The following MYO16 variants were observed in gnomAD, a reference collection of about 807,000 sequenced individuals.
MYO16 encodes the protein unconventional myosin-XVI.
Under a neutral mutation model 205.3 loss-of-function variants are expected in MYO16, and 94 were observed. The observed-to-expected ratio is 0.46, with a 90% CI of 0.39 to 0.54. MYO16 has a LOEUF of 0.54. MYO16 is among the 20% of genes least tolerant of loss of function. The probability of loss-of-function intolerance (pLI) is 0.00; values close to 1 mark genes in which losing one functional copy is unlikely to be tolerated. For synonymous variants in MYO16, 988 were observed against 954.0 expected (o/e 1.04, Z -0.66); for missense variants, 2,315 against 2,387.5 (o/e 0.97, Z 0.63).
chr13:109,100,588 A>G (rs1345532413), intron 27 of MYO16, among the ~76,000 whole-genome samples, 197 bp from the exon 28 acceptor site: 1 of 152,204 alleles, frequency 6.6e-6, no homozygotes, highest in East Asian at 1.9e-4. Flanking sequence ...GCGTTGTAAA[A>G]ACCATTTCCC....
At chr13:109,147,690 G>T (rs565439729) in intron 32 of MYO16, among the ~76,000 whole-genome samples, 4 of 152,076 alleles carry the variant, frequency 2.6e-5, no homozygotes, top group Admixed American at 6.5e-5. Context: ...GGAGTTGGGG[G>T]TGGGAGTGCT....
At chr13:109,054,183 C>T (rs907229376) in intron 25 of MYO16, 2 of 186,174 alleles carry the variant, frequency 1.1e-5, no homozygotes, top group South Asian at 7.7e-5. Context: ...GTTTTGGCCT[C>T]ATTTTCACTG....
At chr13:108,950,350 T>A (rs1883095760) in intron 16 of MYO16, among the ~76,000 whole-genome samples, 1 of 152,090 alleles carries the variant, frequency 6.6e-6, no homozygotes, top group African/African-American at 2.4e-5. Context: ...AAAATAAAAA[T>A]TGTTCTAGTC....
intron 21 of MYO16, among the ~76,000 whole-genome samples, chr13:108,998,480 A>G (rs1203952568): frequency 1.3e-5 from 2 of 152,212 alleles, no homozygotes; most frequent in Admixed American, 6.5e-5. Flanking sequence ...TGGCCAGATA[A>G]TATGTTCCCA....
intron 15 of MYO16, among the ~76,000 whole-genome samples, chr13:108,905,999 T>C (rs899420786): frequency 6.6e-6 from 1 of 152,192 alleles, no homozygotes; most frequent in African/African-American, 2.4e-5. Context: ...GCTCATTTAC[T>C]TTGTGCCCGC....
intron 4 of MYO16, among the ~76,000 whole-genome samples, chr13:108,774,164 A>G (rs1302381795): frequency 1.3e-5 from 2 of 152,254 alleles, no homozygotes; most frequent in African/African-American, 4.8e-5. Flanking sequence ...AACTATAACT[A>G]AATGAAACAA....
intron 27 of MYO16, among the ~76,000 whole-genome samples, chr13:109,089,919 T>C (rs1782931918): frequency 6.6e-6 from 1 of 152,326 alleles, no homozygotes; most frequent in Non-Finnish European, 1.5e-5. Flanking sequence ...TCCCTTACCA[T>C]ACCAGTGCCC....
At chr13:108,644,437 C>A (rs961551942) in intron 1 of MYO16, among the ~76,000 whole-genome samples, 1 of 151,926 alleles carries the variant, frequency 6.6e-6, no homozygotes, top group African/African-American at 2.4e-5. Context: ...ATTACTGCAA[C>A]CCATGAGCTG....
At chr13:108,878,048 T>A (rs1172900200) in intron 12 of MYO16, among the ~76,000 whole-genome samples, 2 of 152,118 alleles carry the variant, frequency 1.3e-5, no homozygotes, top group Non-Finnish European at 2.9e-5. Flanking sequence ...AGATGATTAG[T>A]CCTCTCAGCA....
chr13:109,158,234 T>A lies in MYO16; in HGVS notation c.5165-6667T>A, dbSNP rs540267929. Among the ~76,000 whole-genome samples, 299 of 152,306 alleles carry A rather than the reference T, an allele frequency of 2.0e-3. 2 individuals are homozygous for A. Among genetic ancestry groups the A allele is most frequent in the African/African-American group, 7.1e-3 (293 of 41,556 alleles). ...ACTCTTGGTTTGGAGCAAGGACTCATCTTAACTCCCATTATGCTCCCTGTC... is the reference window on the plus strand; with the variant it reads ...ACTCTTGGTTTGGAGCAAGGACTCAACTTAACTCCCATTATGCTCCCTGTC... On this transcript the variant is annotated intron_variant, in intron 32 of 34. Coordinates refer to ENST00000457511, the MANE Select transcript of MYO16 (RefSeq NM_001198950.3).
At chr13:108,855,930 G>A (rs1168590581) in intron 11 of MYO16, among the ~76,000 whole-genome samples, 3 of 152,190 alleles carry the variant, frequency 2.0e-5, no homozygotes, top group Non-Finnish European at 2.9e-5. Flanking sequence ...AACAGGAAGC[G>A]AAAGAGCATA....
chr13:108,967,697 A>G (rs969950853), intron 20 of MYO16, among the ~76,000 whole-genome samples: 127 of 152,366 alleles, frequency 8.3e-4, no homozygotes, highest in African/African-American at 3.0e-3. Flanking sequence ...ACAGTAATAA[A>G]AAAATAGCAA....
At chr13:108,958,158 A>G (rs958842177) in intron 17 of MYO16, among the ~76,000 whole-genome samples, 1 of 146,586 alleles carries the variant, frequency 6.8e-6, no homozygotes, top group African/African-American at 2.5e-5. Context: ...TTTATAATAT[A>G]TCATTTTAAA....
chr13:108,787,544 G>A (rs890143387), intron 5 of MYO16, among the ~76,000 whole-genome samples: 1 of 152,090 alleles, frequency 6.6e-6, no homozygotes, highest in South Asian at 2.1e-4. Flanking sequence ...TCGTTTGATA[G>A]GAAATTTTAG....
At chr13:108,568,942 C>T in the MYO16 span, among the ~76,000 whole-genome samples, 1 of 151,692 alleles carries the variant, frequency 6.6e-6, no homozygotes, top group East Asian at 1.9e-4. Flanking sequence ...TATTATTTTC[C>T]TAGTTATATT....
At chr13:108,906,543 C>T (rs1252547734) in intron 15 of MYO16, among the ~76,000 whole-genome samples, 1 of 152,116 alleles carries the variant, frequency 6.6e-6, no homozygotes, top group African/African-American at 2.4e-5. Context: ...ATATACTTAG[C>T]AGGACATTCT....
chr13:109,038,735 T>A (rs1315804349), intron 23 of MYO16, among the ~76,000 whole-genome samples: 1 of 152,200 alleles, frequency 6.6e-6, no homozygotes, highest in Non-Finnish European at 1.5e-5. Context: ...ACTTTTTTTT[T>A]AGAATCAAAT....
chr13:109,042,098 A>T (rs1467303223), intron 23 of MYO16, among the ~76,000 whole-genome samples: 5 of 152,106 alleles, frequency 3.3e-5, no homozygotes, highest in Non-Finnish European at 7.4e-5. Flanking sequence ...TCTTGACCTC[A>T]AGTGATCCAC....
Position 109,117,379 on chromosome 13 carries a change from T to C in MYO16, c.3439-2991T>C, listed in dbSNP as rs547514111. On this transcript the variant is annotated intron_variant, in intron 28 of 34. Coordinates refer to ENST00000457511, the MANE Select transcript of MYO16 (RefSeq NM_001198950.3). ...ATATATAATATGCAAATATATATAA[T>C]ATATGCGTGTGTATATATGTATATA... Among the ~76,000 whole-genome samples the C allele has an allele frequency of 5.9e-3, 783 of 133,246 alleles. 8 individuals carry two copies. The highest frequency in any genetic ancestry group is 0.025 in the African/African-American group (757 of 30,380). The allele number at this position is 133,246 out of a possible 152,430, so 87.4% of individuals were successfully genotyped here. A position where few individuals can be genotyped will look rare whatever the true frequency, so the allele number is the denominator to read the frequency against.
Sources: allele counts gnomAD v4.1 joint callset (sites outside exome capture counted in the v4.1 genomes callset), GRCh38; gene constraint gnomAD v4.1.1; transcripts MANE v1.5; gene names NCBI Gene and HGNC (gene_info 2026-07-23, HGNC 2026-07-21).